OTUD7A: variants seen among roughly 807,000 people sequenced by gnomAD.
OTUD7A encodes OTU domain-containing protein 7A.
In OTUD7A, 12 loss-of-function variants were observed where a neutral mutation model predicts 65.7. The observed-to-expected ratio is 0.18, with a 90% CI of 0.12 to 0.30. OTUD7A has a LOEUF of 0.30. Ranked by LOEUF, OTUD7A falls within the 10% of genes least tolerant of loss-of-function variation. The probability of loss-of-function intolerance (pLI) is 1.00; values close to 1 mark genes in which losing one functional copy is unlikely to be tolerated. For missense variants in OTUD7A, 1,148 were observed against 1,304.8 expected (o/e 0.88, Z 1.85); for synonymous variants, 641 against 586.3 (o/e 1.09, Z -1.35).
At chr15:31,692,664 C>T (rs1427331856) in intron 1 of OTUD7A, among the ~76,000 whole-genome samples, 1 of 140,676 alleles carries the variant, frequency 7.1e-6, no homozygotes, top group Non-Finnish European at 1.5e-5. Flanking sequence ...AAACTACTTC[C>T]TGGGTCCCTT....
intron 1 of OTUD7A, among the ~76,000 whole-genome samples, chr15:31,678,992 G>T (rs1371877049): frequency 6.6e-6 from 1 of 152,238 alleles, no homozygotes; most frequent in Non-Finnish European, 1.5e-5. Context: ...CACAGGGATG[G>T]AGCTGCCCAA....
intron 1 of OTUD7A, among the ~76,000 whole-genome samples, chr15:31,818,012 G>C (rs906452043): frequency 6.6e-6 from 1 of 152,118 alleles, no homozygotes; most frequent in Admixed American, 6.6e-5. Context: ...CATCTCTTCT[G>C]CCATGTGAGG....
At chr15:31,784,920 G>A (rs895698772) in intron 1 of OTUD7A, among the ~76,000 whole-genome samples, 2 of 152,164 alleles carry the variant, frequency 1.3e-5, no homozygotes, top group Non-Finnish European at 2.9e-5. Flanking sequence ...GAATGGGGAG[G>A]CTGGAGTTAA....
chr15:31,731,988 C>G (rs1354271), intron 1 of OTUD7A, among the ~76,000 whole-genome samples: 149,548 of 152,290 alleles, frequency 0.98, 73,495 homozygotes, highest in East Asian at 1. Context: ...TAGTGCTTTG[C>G]GGGGAACAAT....
intron 5 of OTUD7A, among the ~76,000 whole-genome samples, chr15:31,541,999 G>C (rs1888000742): frequency 6.6e-6 from 1 of 152,108 alleles, no homozygotes; most frequent in South Asian, 2.1e-4. Flanking sequence ...CTTGGAACCA[G>C]TAAGCCAAGA....
intron 3 of OTUD7A, among the ~76,000 whole-genome samples, chr15:31,583,676 C>G (rs1411330420): frequency 6.6e-6 from 1 of 151,908 alleles, no homozygotes; most frequent in Non-Finnish European, 1.5e-5. Context: ...GATTGTGAGG[C>G]CTCCCCAGCC....
chr15:31,499,340 C>T (rs2041430276), intron 10 of OTUD7A, among the ~76,000 whole-genome samples: 1 of 152,174 alleles, frequency 6.6e-6, no homozygotes, highest in Non-Finnish European at 1.5e-5. Flanking sequence ...AGGGTGACAC[C>T]TGTGCTTCAC....
chr15:31,518,310 A>G (rs1179287399), intron 8 of OTUD7A, among the ~76,000 whole-genome samples: 5 of 152,008 alleles, frequency 3.3e-5, no homozygotes, highest in Admixed American at 1.3e-4. Flanking sequence ...TGTCTCTACT[A>G]AAAATACAAA....
chr15:31,592,393 A>G (rs1445753498), intron 3 of OTUD7A, among the ~76,000 whole-genome samples: 3 of 151,466 alleles, frequency 2.0e-5, no homozygotes. Flanking sequence ...AAAAAAAATT[A>G]AACATTTTTT....
chr15:31,787,714 T>C (rs1895710621), intron 1 of OTUD7A: 1 of 152,158 alleles, frequency 6.6e-6, no homozygotes, highest in South Asian at 2.1e-4. Flanking sequence ...ATAAAAACAA[T>C]ACAGGAGGCA....
At chr15:31,512,138 G>T (rs2041763953) in intron 8 of OTUD7A, among the ~76,000 whole-genome samples, 1 of 152,094 alleles carries the variant, frequency 6.6e-6, no homozygotes, top group Admixed American at 6.5e-5. Flanking sequence ...TGATTACTAA[G>T]GAAATACTTT....
At chr15:31,790,469 C>T (rs543388415) in intron 1 of OTUD7A, among the ~76,000 whole-genome samples, 2 of 152,212 alleles carry the variant, frequency 1.3e-5, no homozygotes, top group East Asian at 3.9e-4. Flanking sequence ...ACTAGAATTG[C>T]TTTATCAAGA....
chr15:31,663,283 A>ACACAC (rs71113411), intron 1 of OTUD7A, among the ~76,000 whole-genome samples: 3 of 149,962 alleles, frequency 2.0e-5, no homozygotes, highest in Non-Finnish European at 3.0e-5. Flanking sequence ...ACACACACAC[A>ACACAC]AGTTTTTAAA....
At chr15:31,503,661 G>A in intron 9 of OTUD7A, 30 bp downstream of exon 9, 1 of 1,613,674 alleles carries the variant, frequency 6.2e-7, no homozygotes, top group Non-Finnish European at 8.5e-7. Context: ...TCTGTGTCAT[G>A]AATACAACAC....
chr15:31,754,305 G>T (rs987502660), intron 1 of OTUD7A, among the ~76,000 whole-genome samples: 13 of 151,880 alleles, frequency 8.6e-5, no homozygotes, highest in Admixed American at 7.9e-4. Context: ...CCACTCTGTG[G>T]GTTGTCTGTT....
At chr15:31,865,327 T>C (rs1184748217) in intron 1 of OTUD7A, among the ~76,000 whole-genome samples, 1 of 152,090 alleles carries the variant, frequency 6.6e-6, no homozygotes, top group African/African-American at 2.4e-5. Context: ...AGAGGAATTG[T>C]GAGGAAATGG....
intron 1 of OTUD7A, among the ~76,000 whole-genome samples, chr15:31,862,103 A>T (rs1897757789): frequency 6.6e-6 from 1 of 152,200 alleles, no homozygotes. Flanking sequence ...ACCTCAGGTC[A>T]CAGTCACTGC....
At chr15:31,579,650 T>C (rs2141182669) in intron 3 of OTUD7A, among the ~76,000 whole-genome samples, 1 of 152,304 alleles carries the variant, frequency 6.6e-6, no homozygotes, top group East Asian at 1.9e-4. Context: ...CTGAAACCTT[T>C]AAAAGTGAAA....
intron 8 of OTUD7A, among the ~76,000 whole-genome samples, chr15:31,520,916 G>A (rs1480509894): frequency 1.3e-5 from 2 of 152,090 alleles, no homozygotes; most frequent in Non-Finnish European, 2.9e-5. Flanking sequence ...TAAAGAAAAT[G>A]TATATATATA....
Sources: allele counts gnomAD v4.1 joint callset (sites outside exome capture counted in the v4.1 genomes callset), GRCh38; gene constraint gnomAD v4.1.1; transcripts MANE v1.5; gene names NCBI Gene and HGNC (gene_info 2026-07-23, HGNC 2026-07-21).